The following EXD1 variants were observed in gnomAD, a reference collection of about 807,000 sequenced individuals.
EXD1 encodes exonuclease 3'-5' domain containing 1, also known as piRNA biogenesis protein EXD1.
A neutral mutation model predicts 49.1 loss-of-function variants in EXD1; 63 were observed. The observed-to-expected ratio is 1.28, with a 90% confidence interval of 1.05 to 1.58. The LOEUF is 1.58. Among genes scored for constraint, EXD1 ranks in the 40% most tolerant of loss-of-function variants. EXD1 has a pLI of 0.00. For missense variants in EXD1, 748 were observed against 666.0 expected, an observed-to-expected ratio of 1.12 and a Z score of -1.36; for synonymous variants, 234 against 239.2, an observed-to-expected ratio of 0.98 and a Z score of 0.20.
rs1425513609 is a variant in EXD1, at chr15:41,209,569, GCTT to G, written c.463_465del (p.Lys155del). On this transcript the variant is annotated inframe_deletion, in exon 7 of 12. Transcript: ENST00000458580. Reference sequence around the variant, plus strand: ...TCTGCTGCCACACTCAGGACATTCTGCTTCTTGATATGGAGTATCTGGTAAGAA... The same window carrying G: ...TCTGCTGCCACACTCAGGACATTCTGCTTGATATGGAGTATCTGGTAAGAA... 1 of 1,614,106 alleles carries G rather than the reference GCTT, an allele frequency of 6.2e-7. No individual in the cohort carries two copies.
chr15:41,206,490 A>G (rs1001622365), intron 7 of EXD1, among the ~76,000 whole-genome samples: 2 of 151,522 alleles, frequency 1.3e-5, no homozygotes, highest in African/African-American at 2.4e-5. Flanking sequence ...AAAAAAAAAA[A>G]AAAGAAACAG....
chr15:41,226,018 C>T (rs1168855021), intron 2 of EXD1, among the ~76,000 whole-genome samples: 3 of 152,118 alleles, frequency 2.0e-5, no homozygotes, highest in African/African-American at 7.2e-5. Context: ...TTTGGGAGGC[C>T]AAGGCAGGCG....
At position 41,194,034 on chromosome 15, in the gene EXD1, C is replaced by T. The variant is rs558608494; in HGVS notation, c.720+1741G>A. 3.6e-5 allele frequency among the ~76,000 whole-genome samples: 4 copies of T among 112,138 alleles called. No homozygotes were observed. In the Admixed American group the frequency reaches 3.8e-4, roughly 11 times the overall value. The allele number at this position is 112,138 out of a possible 152,430, so 73.6% of individuals were successfully genotyped here. A position where few individuals can be genotyped will look rare whatever the true frequency, so the allele number is the denominator to read the frequency against. ...TTTTTTTTTTTTTTTTTTGGTGAGACGGAGTCTTGCTCTCTCTCCCAGGCT... is the reference window on the plus strand; with the variant it reads ...TTTTTTTTTTTTTTTTTTGGTGAGATGGAGTCTTGCTCTCTCTCCCAGGCT... On this transcript the variant is annotated intron_variant, in intron 9 of 11. Coordinates refer to ENST00000458580, the MANE Select transcript of EXD1 (RefSeq NM_001286441.2).
chr15:41,210,662 TAA>T (rs147671305), intron 6 of EXD1, among the ~76,000 whole-genome samples: 32 of 146,490 alleles, frequency 2.2e-4, no homozygotes, highest in Non-Finnish European at 4.5e-4. Context: ...TCAGCCTGTG[TAA>T]AAAAAAAAAC....
At chr15:41,188,194 A>C (rs555634) in intron 11 of EXD1, among the ~76,000 whole-genome samples, 151,700 of 151,874 alleles carry the variant, frequency 1, 75,763 homozygotes, top group Non-Finnish European at 1. Flanking sequence ...TTTTAACAAT[A>C]CTTTAAAAAT....
At chr15:41,200,607 A>G (rs1323916271) in intron 7 of EXD1, among the ~76,000 whole-genome samples, 1 of 152,142 alleles carries the variant, frequency 6.6e-6, no homozygotes, top group Non-Finnish European at 1.5e-5. Context: ...AATTAACTGA[A>G]CCAGAAAAGG....
At chr15:41,202,774 C>T (rs1247941425) in intron 7 of EXD1, among the ~76,000 whole-genome samples, 1 of 151,938 alleles carries the variant, frequency 6.6e-6, no homozygotes, top group East Asian at 1.9e-4. Flanking sequence ...AAAAATTAGC[C>T]AGGCCCAGTG....
intron 7 of EXD1, among the ~76,000 whole-genome samples, chr15:41,199,966 C>A (rs1386680642): frequency 6.7e-6 from 1 of 150,206 alleles, no homozygotes; most frequent in Non-Finnish European, 1.5e-5. Context: ...TACAGTGGCA[C>A]CATATCAGCT....
At chr15:41,191,303 C>G in intron 10 of EXD1, 139 bp downstream of exon 10, 1 of 717,946 alleles carries the variant, frequency 1.4e-6, no homozygotes, top group East Asian at 2.8e-5. Context: ...TAAACCATTC[C>G]CATTTGGTAC....
rs1275396084 is a variant in EXD1 at position 41,230,729 on chromosome 15, C to G, written c.-304G>C. On this transcript the variant is annotated 5_prime_UTR_variant, in exon 1 of 12. Coordinates refer to ENST00000458580, the MANE Select transcript of EXD1 (RefSeq NM_001286441.2). Reference sequence around the variant, plus strand: ...GGGGACACACGCCGCAGAGGCGACGCCCGCCCGGCCCAACGTCCAGTCTCG... The same window carrying G: ...GGGGACACACGCCGCAGAGGCGACGGCCGCCCGGCCCAACGTCCAGTCTCG... The G allele has an allele frequency of 9.7e-6, 6 of 619,378 alleles. No homozygotes were observed. Among genetic ancestry groups the G allele is most frequent in the Non-Finnish European group, 1.7e-5 (6 of 363,196 alleles). 38.4% of individuals were successfully genotyped at this position (619,378 alleles called of 1,614,324 possible).
rs2047006587 is a variant in EXD1, at chr15:41,216,796, C to T, written c.261-1G>A. Reference sequence around the variant, plus strand: ...CATCCAGGTTCTTTCTGCATGTAGACTATCCTTACAAGAAACAATATTTGG... The same window carrying T: ...CATCCAGGTTCTTTCTGCATGTAGATTATCCTTACAAGAAACAATATTTGG... On this transcript the variant is annotated splice_acceptor_variant, in intron 4 of 11. Transcript: ENST00000458580. LOFTEE classifies it high-confidence loss of function. The T allele has an allele frequency of 1.2e-6, 2 of 1,612,092 alleles. No individual in the cohort carries two copies. The highest frequency in any genetic ancestry group is 1.3e-5 in the African/African-American group (1 of 74,818).
intron 7 of EXD1, among the ~76,000 whole-genome samples, chr15:41,202,746 C>T (rs973001121): frequency 6.6e-6 from 1 of 152,006 alleles, no homozygotes; most frequent in African/African-American, 2.4e-5. Context: ...GAATTACAGA[C>T]ATTAGCCACC....
intron 6 of EXD1, among the ~76,000 whole-genome samples, chr15:41,211,096 C>CA (rs2046915005): frequency 1.3e-5 from 2 of 152,196 alleles, no homozygotes; most frequent in East Asian, 3.9e-4. Flanking sequence ...GTTTTTGAGA[C>CA]AGTCTCATGC....
chr15:41,186,470 C>CAAAAAAAAAAAAA (rs58793050), intron 11 of EXD1, among the ~76,000 whole-genome samples: 1,753 of 67,884 alleles, frequency 0.026, 192 homozygotes, highest in East Asian at 0.042. Context: ...GACTCTGTCT[C>CAAAAAAAAAAAAA]AAAAAAAAAA....
Position 41,183,772 on chromosome 15 carries a change from C to T in EXD1, c.*159G>A, listed in dbSNP as rs2046357542. On this transcript the variant is annotated 3_prime_UTR_variant, in exon 12 of 12. Coordinates refer to ENST00000458580, the MANE Select transcript of EXD1 (RefSeq NM_001286441.2). ...TATTTAACTTATTCATTCTCATTCT[C>T]CGCATACCAGGAACACAGGAGTAAG... 3.3e-6 allele frequency: 2 copies of T among 597,048 alleles called. No individual in the cohort carries two copies. Among genetic ancestry groups the T allele is most frequent in the Non-Finnish European group, 5.6e-6 (2 of 354,126 alleles). 37.0% of individuals were successfully genotyped at this position (597,048 alleles called of 1,614,324 possible). A position where few individuals can be genotyped will look rare whatever the true frequency, so the allele number is the denominator to read the frequency against.
At chr15:41,191,063 G>C (rs1387700677) in intron 10 of EXD1, among the ~76,000 whole-genome samples, 1 of 152,106 alleles carries the variant, frequency 6.6e-6, no homozygotes, top group African/African-American at 2.4e-5. Context: ...GAGTAGCTGA[G>C]ACTACAGACA....
intron 5 of EXD1, among the ~76,000 whole-genome samples, chr15:41,216,113 G>A (rs1250260198): frequency 1.3e-5 from 2 of 151,878 alleles, no homozygotes; most frequent in South Asian, 2.1e-4. Context: ...ATGAATAAGT[G>A]TACCCCAATA....
At chr15:41,229,769 A>AAAC (rs150026444) in intron 1 of EXD1, among the ~76,000 whole-genome samples, 269 of 151,714 alleles carry the variant, frequency 1.8e-3, no homozygotes, top group Non-Finnish European at 1.8e-3. Context: ...ACTCCGTCTC[A>AAAC]AACAACAACA....
In EXD1 at chr15:41,197,388, C is replaced by T. The variant is rs185835603; in HGVS notation, c.535-1351G>A. 3.8e-3 allele frequency among the ~76,000 whole-genome samples: 582 copies of T among 151,722 alleles called. 3 individuals are homozygous for T. Among genetic ancestry groups the T allele is most frequent in the South Asian group, 0.02 (96 of 4,788 alleles). On this transcript the variant is annotated intron_variant, in intron 7 of 11. Transcript: ENST00000458580. ...GACTAAAGGCACCTGCCACCATGCC[C>T]TGCTAATTGTTTTTCTTTTTGTATT...
Sources: gnomAD v4.1 joint callset for allele counts (sites outside exome capture counted in the v4.1 genomes callset) on GRCh38, gnomAD v4.1.1 for gene constraint, MANE v1.5 for transcripts, NCBI Gene and HGNC (gene_info 2026-07-23, HGNC 2026-07-21) for gene names.